SH3RF3: variants seen among roughly 807,000 people sequenced by gnomAD.
SH3RF3 encodes the protein SH3 domain containing ring finger 3.
SH3RF3 carries 29 observed loss-of-function variants against 66.3 expected under a neutral mutation model. The observed-to-expected ratio is 0.44, with a 90% CI of 0.33 to 0.60. The LOEUF (loss-of-function observed/expected upper bound fraction) is 0.60. Among genes scored for constraint, SH3RF3 ranks in the 20% least tolerant of loss-of-function variants. SH3RF3 has a pLI of 0.04. For synonymous variants in SH3RF3, 583 were observed against 532.0 expected (o/e 1.10, Z -1.32); for missense variants, 1,194 against 1,190.9 (o/e 1.00, Z -0.04).
intron 1 of SH3RF3, among the ~76,000 whole-genome samples, chr2:109,242,983 C>T (rs564167568): frequency 4.1e-4 from 63 of 152,350 alleles, no homozygotes; most frequent in Middle Eastern, 3.4e-3. Context: ...TTCCGTGACT[C>T]ATGGTTCTGT....
chr2:109,223,690 A>T (rs1679307968), intron 1 of SH3RF3, among the ~76,000 whole-genome samples: 1 of 152,110 alleles, frequency 6.6e-6, no homozygotes, highest in South Asian at 2.1e-4. Context: ...CCCCCACGTG[A>T]TGCTGCCCCA....
At chr2:109,187,659 G>T (rs1247066982) in intron 1 of SH3RF3, among the ~76,000 whole-genome samples, 6 of 152,182 alleles carry the variant, frequency 3.9e-5, no homozygotes, top group African/African-American at 1.4e-4. Flanking sequence ...AGTTATGCAT[G>T]TACACTCTGA....
At chr2:109,305,107 T>C (rs1681560307) in intron 1 of SH3RF3, among the ~76,000 whole-genome samples, 1 of 152,204 alleles carries the variant, frequency 6.6e-6, no homozygotes, top group Non-Finnish European at 1.5e-5. Flanking sequence ...TCTAAGAGAC[T>C]TCTGATTATT....
chr2:109,286,368 C>T (rs1040152747), intron 1 of SH3RF3, among the ~76,000 whole-genome samples: 13 of 152,166 alleles, frequency 8.5e-5, no homozygotes, highest in African/African-American at 2.9e-4. Flanking sequence ...CCAGGGGGCC[C>T]TTGGTTGCAA....
At chr2:109,347,639 A>C in intron 1 of SH3RF3, 35 bp from the exon 2 acceptor site, 1 of 1,603,106 alleles carries the variant, frequency 6.2e-7, no homozygotes, top group Non-Finnish European at 8.5e-7. Flanking sequence ...GGGAAGGGGC[A>C]TGCCCGGTGA....
At chr2:109,175,331 T>C (rs1032317641) in intron 1 of SH3RF3, among the ~76,000 whole-genome samples, 15 of 152,248 alleles carry the variant, frequency 9.9e-5, no homozygotes, top group African/African-American at 3.6e-4. Context: ...GAGGGGTTTG[T>C]ATTTCATCCT....
Position 109,130,188 on chromosome 2 carries a change from T to C in SH3RF3, c.573+75T>C, listed in dbSNP as rs989397143. On this transcript the variant is annotated intron_variant, in intron 1 of 9. Coordinates refer to ENST00000309415, the MANE Select transcript of SH3RF3 (RefSeq NM_001099289.3). ...GTGGGTGCTTGGGCGTGGGGGGCAG[T>C]GATGAGGTGCGGAGGAGACCACGGG... is the stretch of plus-strand genomic sequence containing the variant. The C allele has an allele frequency of 5.7e-6, 7 of 1,222,522 alleles. No homozygotes were observed. In the African/African-American group the frequency reaches 1.1e-4, roughly 19 times the overall value. 75.7% of individuals were successfully genotyped at this position (1,222,522 alleles called of 1,614,324 possible). A position where few individuals can be genotyped will look rare whatever the true frequency, so the allele number is the denominator to read the frequency against.
chr2:109,303,123 G>A (rs530890847), intron 1 of SH3RF3, among the ~76,000 whole-genome samples: 258 of 152,244 alleles, frequency 1.7e-3, no homozygotes, highest in African/African-American at 5.6e-3. Context: ...TGATCCGTCC[G>A]CCTCAGCCTC....
rs371087893 is a variant in SH3RF3 at position 109,398,976 on chromosome 2, G to A, written c.1299+33G>A. 8.3e-5 allele frequency: 129 copies of A among 1,563,258 alleles called. 1 individual carries two copies. The African/African-American group carries it at 1.7e-3, about 20-fold the overall frequency. On this transcript the variant is annotated intron_variant, in intron 4 of 9. Coordinates refer to ENST00000309415, the MANE Select transcript of SH3RF3 (RefSeq NM_001099289.3). ...CCCGCGGGCCAGGGCAGGCATCCCT[G>A]GGTTCTCTGGGGTTCTATCCTCAGC...
intron 3 of SH3RF3, among the ~76,000 whole-genome samples, chr2:109,388,984 C>T (rs1419300155): frequency 1.3e-5 from 2 of 152,160 alleles, no homozygotes. Context: ...GGCTGATGTC[C>T]TGTAAACCAC....
chr2:109,297,940 AC>A (rs925079214), intron 1 of SH3RF3, among the ~76,000 whole-genome samples: 3 of 146,530 alleles, frequency 2.0e-5, no homozygotes, highest in East Asian at 2.1e-4. Context: ...TTCCCCCCCC[AC>A]CACCAGACTA....
chr2:109,344,159 C>T (rs1434299581), intron 1 of SH3RF3, among the ~76,000 whole-genome samples: 4 of 152,218 alleles, frequency 2.6e-5, no homozygotes, highest in African/African-American at 4.8e-5. Context: ...GCAGGGAGAA[C>T]ACTCCTGGGT....
chr2:109,257,684 C>T (rs938239943), intron 1 of SH3RF3, among the ~76,000 whole-genome samples: 25 of 152,140 alleles, frequency 1.6e-4, no homozygotes, highest in Non-Finnish European at 2.8e-4. Flanking sequence ...GCCACTGACA[C>T]GTTCATTACC....
Position 109,398,693 on chromosome 2 carries a change from G to C in SH3RF3, c.1049G>C (p.Ser350Thr). 1 of 1,611,352 alleles carries C rather than the reference G, an allele frequency of 6.2e-7. No individual in the cohort carries two copies. The highest frequency in any genetic ancestry group is 1.1e-5 in the South Asian group (1 of 90,268). The change falls in exon 4 of 10, where the codon AGC becomes ACC. Residue 350 changes from serine to threonine, a missense_variant. By Grantham distance (58) the Ser-to-Thr change is moderately conservative. Coordinates refer to ENST00000309415, the MANE Select transcript of SH3RF3 (RefSeq NM_001099289.3). ...SLPSDSGAVA[S>T]VAPSPTLSSS... The stretch of plus-strand genomic sequence containing the variant: ...CCCTCTGACTCCGGCGCTGTGGCCA[G>C]CGTGGCCCCAAGTCCCACTTTAAGC...
At chr2:109,322,992 G>A (rs570343340) in intron 1 of SH3RF3, among the ~76,000 whole-genome samples, 15 of 152,366 alleles carry the variant, frequency 9.8e-5, no homozygotes, top group African/African-American at 3.4e-4. Context: ...GGGCAAGGCT[G>A]CTGAGCTGTG....
chr2:109,347,459 C>T (rs938154572), intron 1 of SH3RF3, among the ~76,000 whole-genome samples: 1 of 152,000 alleles, frequency 6.6e-6, no homozygotes, highest in Admixed American at 6.5e-5. Flanking sequence ...GGAGGAATGG[C>T]TAGGATGGGG....
intron 1 of SH3RF3, among the ~76,000 whole-genome samples, chr2:109,264,678 G>C (rs1680446503): frequency 6.6e-6 from 1 of 152,188 alleles, no homozygotes; most frequent in Non-Finnish European, 1.5e-5. Flanking sequence ...CCCTCCCACT[G>C]AGCCCAGTGG....
At chr2:109,432,442 GC>G in intron 5 of SH3RF3, 58 bp from the exon 6 acceptor site, 1 of 1,593,762 alleles carries the variant, frequency 6.3e-7, no homozygotes, top group East Asian at 2.3e-5. Flanking sequence ...AGGAATGCCG[GC>G]CGGTCCCCTA....
chr2:109,203,841 G>T (rs985662025), intron 1 of SH3RF3, among the ~76,000 whole-genome samples: 1 of 152,150 alleles, frequency 6.6e-6, no homozygotes, highest in African/African-American at 2.4e-5. Context: ...CTCTTGTGTG[G>T]GTGCCTCGCT....
Sources: allele counts gnomAD v4.1 joint callset (sites outside exome capture counted in the v4.1 genomes callset), GRCh38; gene constraint gnomAD v4.1.1; transcripts MANE v1.5; gene names NCBI Gene and HGNC (gene_info 2026-07-23, HGNC 2026-07-21).